The following RGL1 variants were observed in gnomAD, a reference collection of about 807,000 sequenced individuals.
RGL1 encodes the protein ral guanine nucleotide dissociation stimulator like 1.
A neutral mutation model predicts 95.2 loss-of-function variants in RGL1; 24 were observed. That is an observed-to-expected ratio of 0.25 (90% CI 0.18 to 0.35). The LOEUF (loss-of-function observed/expected upper bound fraction) is 0.35, where lower values mean the gene tolerates loss of function less well. Among genes scored for constraint, RGL1 ranks in the 10% least tolerant of loss-of-function variants. RGL1 has a pLI of 1.00. For synonymous variants in RGL1, 329 were observed against 344.9 expected, an observed-to-expected ratio of 0.95 and a Z score of 0.51; for missense variants, 715 against 936.3, an observed-to-expected ratio of 0.76 and a Z score of 3.08.
At chr1:183,868,640 TTATAATGGAC>T (rs1466038121) in intron 4 of RGL1, among the ~76,000 whole-genome samples, 6 of 152,282 alleles carry the variant, frequency 3.9e-5, no homozygotes, top group Non-Finnish European at 4.4e-5. Context: ...AAGAACCTTT[TTATAATGGAC>T]ATTTTGGAGC....
intron 10 of RGL1, among the ~76,000 whole-genome samples, chr1:183,898,302 G>A (rs1330311303): frequency 6.6e-6 from 1 of 152,166 alleles, no homozygotes; most frequent in Non-Finnish European, 1.5e-5. Context: ...GAGAAAGAGT[G>A]TCTTCTCCAC....
chr1:183,802,612 A>C (rs981323251), upstream of RGL1, among the ~76,000 whole-genome samples: 1 of 151,578 alleles, frequency 6.6e-6, no homozygotes, highest in East Asian at 1.9e-4. Flanking sequence ...AAAAAAAAAA[A>C]AAAAAAAAAC....
chr1:183,673,609 T>C (rs966256166), intron 1 of RGL1, among the ~76,000 whole-genome samples: 28 of 152,376 alleles, frequency 1.8e-4, no homozygotes, highest in African/African-American at 6.5e-4. Context: ...CTTTTTCTGA[T>C]TTTGGTTCTA....
chr1:183,841,476 G>T (rs1040137132), intron 2 of RGL1, among the ~76,000 whole-genome samples: 3 of 152,160 alleles, frequency 2.0e-5, no homozygotes, highest in Non-Finnish European at 4.4e-5. Flanking sequence ...TTTGGTTTAA[G>T]TTTTGTTAAG....
intron 1 of RGL1, among the ~76,000 whole-genome samples, chr1:183,720,485 C>A (rs1377418985): frequency 6.6e-6 from 1 of 152,232 alleles, no homozygotes; most frequent in African/African-American, 2.4e-5. Context: ...ACTGACCCAG[C>A]GGTGCTGCCA....
At chr1:183,813,115 T>A (rs1045064681) in intron 2 of RGL1, among the ~76,000 whole-genome samples, 1 of 151,934 alleles carries the variant, frequency 6.6e-6, no homozygotes, top group Non-Finnish European at 1.5e-5. Flanking sequence ...TCTTTAGTGG[T>A]AATGAAGTGA....
chr1:183,746,087 C>T (rs1474603172), intron 2 of RGL1, among the ~76,000 whole-genome samples: 2 of 150,290 alleles, frequency 1.3e-5, no homozygotes, highest in Non-Finnish European at 3.0e-5. Context: ...CAAAATAATA[C>T]ACATGCAAGT....
chr1:183,847,641 G>A lies in RGL1; in HGVS notation c.214G>A (p.Gly72Ser), dbSNP rs762577429. The change falls in exon 3 of 18, where the codon GGC becomes AGC. Residue 72 changes from glycine (G) to serine (S), a missense_variant. Coordinates refer to ENST00000360851, the MANE Select transcript of RGL1 (RefSeq NM_001297671.3). ...CTGTAAGATCAGGACCATAAAAGCT[G>A]GCACCTTGGAGAAGCTTGTGGAGAA... ...ETCKIRTIKAGTLEKLVENLL... is the reference protein window; with the variant it reads ...ETCKIRTIKASTLEKLVENLL... The A allele has an allele frequency of 9.9e-6, 16 of 1,614,124 alleles. No individual in the cohort carries two copies. The highest frequency in any genetic ancestry group is 1.3e-5 in the African/African-American group (1 of 75,048).
chr1:183,868,346 T>A lies in RGL1; in HGVS notation c.425+2273T>A, dbSNP rs116616538. On this transcript the variant is annotated intron_variant, in intron 4 of 17. Transcript: ENST00000360851. Reference sequence around the variant, plus strand: ...ACTTTCCCTGGTAAGCAGTGGGCAGTCAGCAGTAATGAATTTTTATAGGAG... The same window carrying A: ...ACTTTCCCTGGTAAGCAGTGGGCAGACAGCAGTAATGAATTTTTATAGGAG... Among the ~76,000 whole-genome samples, 640 of 152,308 alleles carry A rather than the reference T, an allele frequency of 4.2e-3. 7 individuals carry two copies. Among genetic ancestry groups the A allele is most frequent in the African/African-American group, 0.015 (618 of 41,566 alleles).
chr1:183,661,922 A>G (rs1376127303), intron 1 of RGL1, among the ~76,000 whole-genome samples: 4 of 150,408 alleles, frequency 2.7e-5, no homozygotes, highest in Non-Finnish European at 5.9e-5. Flanking sequence ...AAATCAATAA[A>G]TGTAATCCAG....
intron 11 of RGL1, 118 bp downstream of exon 11, chr1:183,900,354 C>A: frequency 1.4e-6 from 1 of 718,314 alleles, no homozygotes; most frequent in Non-Finnish European, 2.4e-6. Flanking sequence ...ATTGTGCTAG[C>A]TGTTAGGAGG....
intron 1 of RGL1, among the ~76,000 whole-genome samples, chr1:183,728,914 G>C (rs548315316): frequency 6.6e-6 from 1 of 152,256 alleles, no homozygotes; most frequent in African/African-American, 2.4e-5. Context: ...AAATGGTCTT[G>C]AACAACTTGT....
chr1:183,782,401 A>G (rs900147514), intron 2 of RGL1, among the ~76,000 whole-genome samples: 5 of 152,244 alleles, frequency 3.3e-5, no homozygotes, highest in Non-Finnish European at 7.3e-5. Context: ...TTACATGGAC[A>G]GGGAAGCTGG....
intron 1 of RGL1, among the ~76,000 whole-genome samples, chr1:183,735,806 A>G (rs1656903597): frequency 6.6e-6 from 1 of 152,082 alleles, no homozygotes; most frequent in African/African-American, 2.4e-5. Flanking sequence ...TCTGTGCCCC[A>G]GTTTCCATTT....
intron 4 of RGL1, among the ~76,000 whole-genome samples, chr1:183,871,284 G>A (rs1342892875): frequency 6.6e-6 from 1 of 152,190 alleles, no homozygotes; most frequent in African/African-American, 2.4e-5. Flanking sequence ...GCTCACTGGG[G>A]TCATGAATAA....
chr1:183,657,360 T>G (rs1480469017), intron 1 of RGL1, among the ~76,000 whole-genome samples: 1 of 152,250 alleles, frequency 6.6e-6, no homozygotes, highest in Non-Finnish European at 1.5e-5. Flanking sequence ...TACATATGTA[T>G]ACATGTGCCA....
chr1:183,867,295 C>T (rs1665896672), intron 4 of RGL1, among the ~76,000 whole-genome samples: 2 of 152,138 alleles, frequency 1.3e-5, no homozygotes, highest in South Asian at 4.2e-4. Flanking sequence ...GGAAGTAGAG[C>T]GTCTGGCAGA....
chr1:183,839,207 G>C (rs147472826), intron 2 of RGL1, among the ~76,000 whole-genome samples: 1 of 152,088 alleles, frequency 6.6e-6, no homozygotes, highest in Non-Finnish European at 1.5e-5. Flanking sequence ...TTTAATTGAT[G>C]TAATTTCTAC....
chr1:183,638,018 G>A (rs1649666765), intron 1 of RGL1, among the ~76,000 whole-genome samples: 1 of 152,020 alleles, frequency 6.6e-6, no homozygotes, highest in Non-Finnish European at 1.5e-5. Flanking sequence ...TCTTTGAAGA[G>A]AAAATCGAAC....
Sources: allele counts gnomAD v4.1 joint callset (sites outside exome capture counted in the v4.1 genomes callset), GRCh38; gene constraint gnomAD v4.1.1; transcripts MANE v1.5; gene names NCBI Gene and HGNC (gene_info 2026-07-23, HGNC 2026-07-21).